Variants in VPS41 observed in about 807,000 individuals in gnomAD.
The protein encoded by VPS41 is VPS41 subunit of HOPS complex.
A neutral mutation model predicts 130.9 loss-of-function variants in VPS41; 85 were observed. That is an observed-to-expected ratio of 0.65 (90% CI 0.55 to 0.78). VPS41 has a LOEUF of 0.78. VPS41 is among the 30% of genes least tolerant of loss of function. The probability of loss-of-function intolerance (pLI) is 0.00; values close to 1 mark genes in which losing one functional copy is unlikely to be tolerated. For missense variants in VPS41, 874 were observed against 1,018.7 expected (o/e 0.86, Z 1.93); for synonymous variants, 335 against 332.9 (o/e 1.01, Z -0.07).
chr7:38,723,471 T>A lies in VPS41; in HGVS notation c.*2775A>T, dbSNP rs1270265474. 6.6e-6 allele frequency: 1 copy of A among 152,108 alleles called. No homozygotes were observed. The highest frequency in any genetic ancestry group is 1.9e-4 in the East Asian group (1 of 5,190). The allele number at this position is 152,108 out of a possible 1,614,324, so 9.4% of individuals were successfully genotyped here. ...TGGGCATGGTGACTTACGCCTGTAA[T>A]CCTAACACTTCGGAAGGCCGAGGTG... On this transcript the variant is annotated 3_prime_UTR_variant, in exon 29 of 29. Coordinates refer to ENST00000310301, the MANE Select transcript of VPS41 (RefSeq NM_014396.4).
rs1249478382 is a variant in VPS41, at chr7:38,773,500, C to T, written c.1012+615G>A. ...AATGTCAATTGTGTTTAAAGTAGTA[C>T]AGCATTCCTACAAAGCTGAACTGTT... On this transcript the variant is annotated intron_variant, in intron 12 of 28. Transcript: ENST00000310301. 3.3e-5 allele frequency among the ~76,000 whole-genome samples: 5 copies of T among 152,248 alleles called. No individual in the cohort carries two copies. The South Asian group carries it at 8.3e-4, about 25-fold the overall frequency.
chr7:38,805,406 G>A (rs1282718250), intron 7 of VPS41, among the ~76,000 whole-genome samples: 8 of 152,008 alleles, frequency 5.3e-5, no homozygotes, highest in Admixed American at 3.3e-4. Context: ...GGTGGTGCAC[G>A]CCTGTAGTCC....
chr7:38,854,609 GA>G (rs1329157283), intron 4 of VPS41, among the ~76,000 whole-genome samples: 1 of 152,060 alleles, frequency 6.6e-6, no homozygotes, highest in African/African-American at 2.4e-5. Context: ...AGGAAGGTAT[GA>G]AAAAAACCTT....
chr7:38,745,043 T>C (rs1412567937), intron 23 of VPS41, among the ~76,000 whole-genome samples: 1 of 152,206 alleles, frequency 6.6e-6, no homozygotes, highest in East Asian at 1.9e-4. Flanking sequence ...ATGACAAGTT[T>C]TGTTTCTTGG....
Position 38,817,876 on chromosome 7 carries a change from C to A in VPS41, c.391G>T (p.Ala131Ser). The change falls in exon 7 of 29, where the codon GCT becomes TCT. Residue 131 changes from alanine (A) to serine (S), a missense_variant. Transcript: ENST00000310301. ...GATCTCACGAAATGTGGGTGCACAG[C>A]AATAATCTACAAGAGAAACAGAACC... ...ETFDCPIKII[A>S]VHPHFVRSSC... 1 of 1,613,902 alleles carries A rather than the reference C, an allele frequency of 6.2e-7. No individual in the cohort carries two copies. Among genetic ancestry groups the A allele is most frequent in the Non-Finnish European group, 8.5e-7 (1 of 1,179,932 alleles).
intron 12 of VPS41, among the ~76,000 whole-genome samples, chr7:38,773,691 C>A (rs1327514775): frequency 6.6e-6 from 1 of 152,148 alleles, no homozygotes; most frequent in Admixed American, 6.5e-5. Context: ...TGCCAGAAGT[C>A]TTTCAGGCTC....
intron 12 of VPS41, among the ~76,000 whole-genome samples, chr7:38,773,910 T>C (rs1057177579): frequency 6.6e-6 from 1 of 152,168 alleles, no homozygotes; most frequent in African/African-American, 2.4e-5. Flanking sequence ...GTCTGAACTC[T>C]AGCCTTCCCT....
intron 2 of VPS41, among the ~76,000 whole-genome samples, chr7:38,869,619 A>G (rs1040738408): frequency 2.0e-5 from 3 of 152,198 alleles, no homozygotes; most frequent in Non-Finnish European, 4.4e-5. Context: ...TAATAAATCA[A>G]GGAGAGTTGT....
chr7:38,842,866 A>G (rs139866557), intron 4 of VPS41, among the ~76,000 whole-genome samples: 3 of 152,296 alleles, frequency 2.0e-5, no homozygotes, highest in Admixed American at 1.3e-4. Flanking sequence ...TTTCAGAACA[A>G]TAACTCACTT....
At chr7:38,732,706 G>T (rs986370926) in intron 25 of VPS41, among the ~76,000 whole-genome samples, 4 of 152,080 alleles carry the variant, frequency 2.6e-5, no homozygotes, top group African/African-American at 9.7e-5. Context: ...TTCTCATACT[G>T]CCCTCACGTA....
chr7:38,873,133 C>T (rs1216898539), intron 2 of VPS41, among the ~76,000 whole-genome samples: 1 of 152,092 alleles, frequency 6.6e-6, no homozygotes, highest in Admixed American at 6.5e-5. Context: ...AATGTTTTCA[C>T]AACACAGCTC....
intron 7 of VPS41, among the ~76,000 whole-genome samples, chr7:38,810,232 T>C (rs1283555558): frequency 1.3e-5 from 2 of 151,962 alleles, no homozygotes; most frequent in East Asian, 3.9e-4. Context: ...AAACCTAAAA[T>C]AAAAGTTTAT....
intron 14 of VPS41, among the ~76,000 whole-genome samples, chr7:38,768,990 A>G (rs921979563): frequency 2.0e-5 from 3 of 152,138 alleles, no homozygotes; most frequent in African/African-American, 4.8e-5. Context: ...CTGATAATCT[A>G]TACTCAGAAC....
At chr7:38,771,780 T>A (rs1784157507) in intron 13 of VPS41, among the ~76,000 whole-genome samples, 2 of 152,210 alleles carry the variant, frequency 1.3e-5, no homozygotes, top group Non-Finnish European at 2.9e-5. Flanking sequence ...TTAACATAAA[T>A]ATTTAAAACA....
At chr7:38,791,281 T>C (rs1196068751) in intron 9 of VPS41, among the ~76,000 whole-genome samples, 5 of 152,230 alleles carry the variant, frequency 3.3e-5, no homozygotes, top group Non-Finnish European at 5.9e-5. Context: ...TAATGGCACA[T>C]TCCACAATGC....
intron 2 of VPS41, among the ~76,000 whole-genome samples, chr7:38,889,359 G>GT (rs1395099678): frequency 2.4e-5 from 2 of 84,080 alleles, no homozygotes; most frequent in Admixed American, 2.7e-4. Flanking sequence ...AAACACTAAA[G>GT]TTAAAAAAAA....
intron 25 of VPS41, among the ~76,000 whole-genome samples, chr7:38,730,531 A>AAGTT (rs1322447922): frequency 6.6e-6 from 1 of 152,198 alleles, no homozygotes; most frequent in Non-Finnish European, 1.5e-5. Flanking sequence ...ACTGCCTATG[A>AAGTT]AGTTTTATTC....
chr7:38,841,908 C>T (rs1193487343), intron 4 of VPS41, among the ~76,000 whole-genome samples: 1 of 152,176 alleles, frequency 6.6e-6, no homozygotes, highest in Non-Finnish European at 1.5e-5. Flanking sequence ...CCAGCCTCTA[C>T]TCACTCACAA....
chr7:38,888,978 G>C (rs563454149), intron 2 of VPS41, among the ~76,000 whole-genome samples: 1 of 152,072 alleles, frequency 6.6e-6, no homozygotes, highest in East Asian at 1.9e-4. Context: ...CTAGGGGAGG[G>C]AAATCATTAG....
Sources: allele counts gnomAD v4.1 joint callset (sites outside exome capture counted in the v4.1 genomes callset), GRCh38; gene constraint gnomAD v4.1.1; transcripts MANE v1.5; gene names NCBI Gene and HGNC (gene_info 2026-07-23, HGNC 2026-07-21).